Variants in B4GALNT4 observed in about 807,000 individuals in gnomAD.
B4GALNT4 encodes the protein N-acetyl-beta-glucosaminyl-glycoprotein 4-beta-N-acetylgalactosaminyltransferase 1.
B4GALNT4 carries 77 observed loss-of-function variants against 110.0 expected under a neutral mutation model. That is an observed-to-expected ratio of 0.70 (90% CI 0.58 to 0.85). The LOEUF is 0.85. Among genes scored for constraint, B4GALNT4 ranks in the 40% least tolerant of loss-of-function variants. The pLI, the probability that B4GALNT4 is intolerant of heterozygous loss-of-function variation, is 0.00. For missense variants in B4GALNT4, 1,575 were observed against 1,506.0 expected (o/e 1.05, Z -0.76); for synonymous variants, 785 against 655.5 (o/e 1.20, Z -3.02).
At chr11:375,301 G>A (rs1034411358) in intron 8 of B4GALNT4, among the ~76,000 whole-genome samples, 160 bp from the exon 9 acceptor site, 2 of 151,946 alleles carry the variant, frequency 1.3e-5, no homozygotes, top group Admixed American at 1.3e-4. Flanking sequence ...CTTCCCTGCT[G>A]CCCCTTCTTG....
intron 1 of B4GALNT4, among the ~76,000 whole-genome samples, chr11:370,589 A>AT (rs1846599740): frequency 1.3e-5 from 2 of 152,138 alleles, no homozygotes; most frequent in South Asian, 4.1e-4. Context: ...CAGCCGGGGT[A>AT]GGGCCTCCTG....
chr11:381,048 A>G (rs1006287778), intron 19 of B4GALNT4, 97 bp downstream of exon 19: 21 of 1,509,314 alleles, frequency 1.4e-5, no homozygotes, highest in African/African-American at 1.4e-4. Flanking sequence ...CGGCGCCCAC[A>G]TGCTGAGAGA....
At chr11:378,013 G>A (rs932591057) in intron 14 of B4GALNT4, among the ~76,000 whole-genome samples, 1 of 152,256 alleles carries the variant, frequency 6.6e-6, no homozygotes, top group Non-Finnish European at 1.5e-5. Context: ...GACAGGCAGA[G>A]GCAGGGGCAG....
In B4GALNT4 at chr11:376,056, C is replaced by CGGG; in HGVS notation, c.1096-17_1096-16insGGG. On this transcript the variant is annotated splice_polypyrimidine_tract_variant and intron_variant, in intron 11 of 19. Coordinates refer to ENST00000329962, the MANE Select transcript of B4GALNT4 (RefSeq NM_178537.5). ...CGGGAGGTCCGCGCCCTGAGCCCTG[C>CGGG]GCCCCCCCACCCCCCAGGTGTACCT... is the stretch of plus-strand genomic sequence containing the variant. 6.3e-7 allele frequency: 1 copy of CGGG among 1,591,050 alleles called. No individual in the cohort carries two copies. The highest frequency in any genetic ancestry group is 8.6e-7 in the Non-Finnish European group (1 of 1,161,134).
Position 373,463 on chromosome 11 carries a change from G to A in B4GALNT4, c.651G>A (p.Trp217Ter). The A allele has an allele frequency of 6.3e-7, 1 of 1,580,820 alleles. No homozygotes were observed. Among genetic ancestry groups the A allele is most frequent in the Non-Finnish European group, 8.6e-7 (1 of 1,168,120 alleles). Residue 217 changes from tryptophan to a stop codon, truncating the protein, a stop_gained, in exon 7 of 20, where the codon TGG becomes TGA. Transcript: ENST00000329962. LOFTEE classifies it high-confidence loss of function. ...TCACCCCCCAGACTGGCTCCGAGTG[G>A]ACAGCGCCTGGAGAATTCACCAAGT... ...VAFVGKTGSE[W>*]TAPGEFTKFS... is the part of the protein sequence containing the mutation.
Position 380,633 on chromosome 11 carries a change from C to T in B4GALNT4, c.2869+188C>T, listed in dbSNP as rs758972706. ...AGGGCCATGCCAGGGGCCCCAGGAA[C>T]CTCCTCCAGTATCCCGCGTTTATGC... On this transcript the variant is annotated intron_variant, in intron 18 of 19. Coordinates refer to ENST00000329962, the MANE Select transcript of B4GALNT4 (RefSeq NM_178537.5). 4 of 1,250,386 alleles carry T rather than the reference C, an allele frequency of 3.2e-6. No individual in the cohort carries two copies. In the South Asian group the frequency reaches 3.8e-5, roughly 12 times the overall value. 77.5% of individuals were successfully genotyped at this position (1,250,386 alleles called of 1,614,324 possible).
At position 377,055 on chromosome 11, in the gene B4GALNT4, AGAG is replaced by A. The variant is rs1196643982; in HGVS notation, c.1941_1943del (p.Glu648del). 1.9e-5 allele frequency: 27 copies of A among 1,439,456 alleles called. No individual in the cohort carries two copies. The highest frequency in any genetic ancestry group is 3.0e-5 in the South Asian group (2 of 67,246). The allele number at this position is 1,439,456 out of a possible 1,614,324, so 89.2% of individuals were successfully genotyped here. Reference sequence around the variant, plus strand: ...GGCCGCAGCTGCCCGGGGAGGGCGAAGAGGAGGAGGAAGGGGAGGACGATGGGG... The same window carrying A: ...GGCCGCAGCTGCCCGGGGAGGGCGAAGAGGAGGAAGGGGAGGACGATGGGG... On this transcript the variant is annotated inframe_deletion, in exon 14 of 20. Coordinates refer to ENST00000329962, the MANE Select transcript of B4GALNT4 (RefSeq NM_178537.5).
Position 375,634 on chromosome 11 carries a change from C to T in B4GALNT4, c.851-5C>T, listed in dbSNP as rs1015744374. On this transcript the variant is annotated splice_region_variant and splice_polypyrimidine_tract_variant and intron_variant, in intron 9 of 19. Transcript: ENST00000329962. The stretch of plus-strand genomic sequence containing the variant: ...GAGCACTCCCTGGAACTCTTCTGCC[C>T]CCAGATGAGTCAGCCTTGAAGATGG... 1.3e-6 allele frequency: 2 copies of T among 1,591,604 alleles called. No homozygotes were observed. Among genetic ancestry groups the T allele is most frequent in the Admixed American group, 1.7e-5 (1 of 59,782 alleles).
chr11:372,672 G>A lies in B4GALNT4; in HGVS notation c.266G>A (p.Arg89Gln), dbSNP rs191975431. 73 of 1,611,860 alleles carry A rather than the reference G, an allele frequency of 4.5e-5. No individual in the cohort carries two copies. The East Asian group carries it at 1.3e-3, about 28-fold the overall frequency. ...SREEEQAPEG[R>Q]DLDMLFPGGA... Reference sequence around the variant, plus strand: ...TTTTCTCTCCTGCAGCCCGAAGGTCGGGACCTAGACATGCTGTTTCCTGGG... The same window carrying A: ...TTTTCTCTCCTGCAGCCCGAAGGTCAGGACCTAGACATGCTGTTTCCTGGG... The change falls in exon 3 of 20, where the codon CGG becomes CAG. Residue 89 changes from arginine (R) to glutamine (Q), a missense_variant. Arg to Gln is a conservative substitution (Grantham distance 43, BLOSUM62 1). Coordinates refer to ENST00000329962, the MANE Select transcript of B4GALNT4 (RefSeq NM_178537.5).
intron 1 of B4GALNT4, among the ~76,000 whole-genome samples, chr11:370,438 C>T (rs1846596875): frequency 6.6e-6 from 1 of 151,758 alleles, no homozygotes; most frequent in African/African-American, 2.4e-5. Flanking sequence ...GCAGCTGGGA[C>T]GCTTCCCGGC....
Position 376,843 on chromosome 11 carries a change from C to G in B4GALNT4, c.1720C>G (p.Pro574Ala). 7.5e-7 allele frequency: 1 copy of G among 1,328,162 alleles called. No individual in the cohort carries two copies. The highest frequency in any genetic ancestry group is 9.6e-7 in the Non-Finnish European group (1 of 1,039,792). 82.3% of individuals were successfully genotyped at this position (1,328,162 alleles called of 1,614,324 possible). Residue 574 changes from proline (P) to alanine (A), a missense_variant, in exon 14 of 20, where the codon CCC becomes GCC. Transcript: ENST00000329962. ...GCGGGCGCCCCCACGCCCACCCCGG[C>G]CCCACGGCCGCAGGACCGGCGGCCC... The part of the protein sequence containing the change: ...QLRAPPRPPR[P>A]HGRRTGGPQA...
At chr11:381,002 C>A (rs765315827) in intron 19 of B4GALNT4, 51 bp downstream of exon 19, 3 of 1,579,720 alleles carry the variant, frequency 1.9e-6, no homozygotes, top group Non-Finnish European at 1.7e-6. Flanking sequence ...CTGCGTCCTC[C>A]TCCTCTGAAT....
At chr11:370,987 G>GC (rs1244206925) in intron 1 of B4GALNT4, among the ~76,000 whole-genome samples, 3 of 152,084 alleles carry the variant, frequency 2.0e-5, no homozygotes, top group Non-Finnish European at 4.4e-5. Flanking sequence ...TCCCTAAAAA[G>GC]CCCCACCCCA....
chr11:377,452 G>A lies in B4GALNT4; in HGVS notation c.2204+125G>A, dbSNP rs534134334. 14 of 1,084,742 alleles carry A rather than the reference G, an allele frequency of 1.3e-5. No individual in the cohort carries two copies. In the African/African-American group the frequency reaches 1.5e-4, roughly 12 times the overall value. The allele number at this position is 1,084,742 out of a possible 1,614,324, so 67.2% of individuals were successfully genotyped here. A position where few individuals can be genotyped will look rare whatever the true frequency, so the allele number is the denominator to read the frequency against. On this transcript the variant is annotated intron_variant, in intron 14 of 19. Transcript: ENST00000329962. ...GGCCCAGTGGTGTACCGGCCTGGGG[G>A]CTGAGGCACCGCGCCCCACCCCAGG...
At position 372,141 on chromosome 11, in the gene B4GALNT4, CG is replaced by C; in HGVS notation, c.190del (p.Val64SerfsTer28). Reference sequence around the variant, plus strand: ...GAAGCTGACCAGTGAGACCGACGGCCGGGGGGTCCACGCTGCGCCATCCACA... The same window carrying C: ...GAAGCTGACCAGTGAGACCGACGGCCGGGGGTCCACGCTGCGCCATCCACA... ...GEKLTSETDG[R>X]GVHAAPSTQR... is the part of the protein sequence containing the mutation. On this transcript the variant is annotated frameshift_variant, in exon 2 of 20. Coordinates refer to ENST00000329962, the MANE Select transcript of B4GALNT4 (RefSeq NM_178537.5). LOFTEE classifies it high-confidence loss of function. The C allele has an allele frequency of 1.9e-6, 3 of 1,549,268 alleles. No individual in the cohort carries two copies. Among genetic ancestry groups the C allele is most frequent in the East Asian group, 2.4e-5 (1 of 40,894 alleles).
At chr11:379,279 A>G in intron 14 of B4GALNT4, 139 bp from the exon 15 acceptor site, 2 of 949,080 alleles carry the variant, frequency 2.1e-6, no homozygotes, top group Non-Finnish European at 2.9e-6. Flanking sequence ...GCCAACCTGG[A>G]GGGGCAGGTG....
intron 19 of B4GALNT4, 163 bp downstream of exon 19, chr11:381,114 C>T: frequency 1.0e-6 from 1 of 985,230 alleles, no homozygotes; most frequent in Non-Finnish European, 1.2e-6. Flanking sequence ...ACTCCTCCAC[C>T]CACATCACTT....
At chr11:379,391 G>A in intron 14 of B4GALNT4, 27 bp from the exon 15 acceptor site, 2 of 1,468,088 alleles carry the variant, frequency 1.4e-6, no homozygotes, top group Non-Finnish European at 1.8e-6. Context: ...GGAAGCCCCA[G>A]TACCGGCTGA....
intron 8 of B4GALNT4, among the ~76,000 whole-genome samples, chr11:374,424 T>C (rs931538056): frequency 4.6e-5 from 7 of 150,862 alleles, no homozygotes; most frequent in Non-Finnish European, 8.9e-5. Flanking sequence ...GGCAGCACGA[T>C]GGTGCCTGTG....
Sources: allele counts gnomAD v4.1 joint callset (sites outside exome capture counted in the v4.1 genomes callset), GRCh38; gene constraint gnomAD v4.1.1; transcripts MANE v1.5; gene names NCBI Gene and HGNC (gene_info 2026-07-23, HGNC 2026-07-21).